The following UNC5B variants were observed in gnomAD, a reference collection of about 807,000 sequenced individuals.
UNC5B encodes unc-5 netrin receptor B.
A neutral mutation model predicts 103.7 loss-of-function variants in UNC5B; 56 were observed. The ratio of observed to expected loss-of-function variants is 0.54; its 90% CI spans 0.44 to 0.67. The LOEUF (loss-of-function observed/expected upper bound fraction) is 0.67, where lower values mean the gene tolerates loss of function less well. Ranked by LOEUF, UNC5B falls within the 30% of genes least tolerant of loss-of-function variation. The probability of loss-of-function intolerance (pLI) is 0.00; values close to 1 mark genes in which losing one functional copy is unlikely to be tolerated. For missense variants in UNC5B, 1,194 were observed against 1,284.5 expected (o/e 0.93, Z 1.08); for synonymous variants, 577 against 542.0 (o/e 1.06, Z -0.90).
chr10:71,219,774 T>C (rs887885191), intron 1 of UNC5B, among the ~76,000 whole-genome samples: 1 of 152,246 alleles, frequency 6.6e-6, no homozygotes, highest in Non-Finnish European at 1.5e-5. Flanking sequence ...TTAAGTGGCA[T>C]TCAGAGCATT....
At chr10:71,291,890 A>G in intron 10 of UNC5B, 69 bp downstream of exon 10, 3 of 1,504,490 alleles carry the variant, frequency 2.0e-6, no homozygotes, top group Non-Finnish European at 2.6e-6. Flanking sequence ...CCCAACACCC[A>G]TCCAGCAGAA....
chr10:71,295,439 C>G (rs1056659204), intron 13 of UNC5B, among the ~76,000 whole-genome samples: 2 of 152,226 alleles, frequency 1.3e-5, no homozygotes, highest in African/African-American at 4.8e-5. Context: ...TTTACCCAGT[C>G]ATTGCTCGTC....
At chr10:71,279,446 T>G (rs954143989) in intron 1 of UNC5B, among the ~76,000 whole-genome samples, 20 of 152,164 alleles carry the variant, frequency 1.3e-4, no homozygotes, top group African/African-American at 4.3e-4. Context: ...AGGAACTGGA[T>G]AGAAGCCGGG....
chr10:71,239,149 T>G (rs1046156488), intron 1 of UNC5B, among the ~76,000 whole-genome samples: 6 of 152,146 alleles, frequency 3.9e-5, no homozygotes, highest in Admixed American at 6.5e-5. Flanking sequence ...CAGGGAAGAC[T>G]GACTTATCAT....
chr10:71,289,399 C>G (rs113222023), intron 8 of UNC5B, among the ~76,000 whole-genome samples: 18 of 152,316 alleles, frequency 1.2e-4, no homozygotes, highest in African/African-American at 4.3e-4. Flanking sequence ...ACTCCAGTCC[C>G]CCCTCATGCC....
chr10:71,222,604 AACAGTGGG>A (rs1369135750), intron 1 of UNC5B, among the ~76,000 whole-genome samples: 1 of 152,208 alleles, frequency 6.6e-6, no homozygotes, highest in Admixed American at 6.5e-5. Context: ...CTCTGGGCAG[AACAGTGGG>A]ACAGAGAGTC....
intron 1 of UNC5B, among the ~76,000 whole-genome samples, chr10:71,229,062 T>G (rs899331657): frequency 2.6e-5 from 4 of 152,162 alleles, no homozygotes; most frequent in Admixed American, 2.0e-4. Flanking sequence ...GTGGAGTGAC[T>G]GGGCGGTGAG....
chr10:71,232,180 G>A lies in UNC5B; in HGVS notation c.79+19116G>A, dbSNP rs566642847. Among the ~76,000 whole-genome samples, 11 of 152,334 alleles carry A rather than the reference G, an allele frequency of 7.2e-5. No individual in the cohort carries two copies. The South Asian group carries it at 2.1e-3, about 29-fold the overall frequency. ...CCGATGACTGCCCAGGAACTCCCAG[G>A]AATGGCCTGTGGCTCTGTGCACAGC... On this transcript the variant is annotated intron_variant, in intron 1 of 16. Coordinates refer to ENST00000335350, the MANE Select transcript of UNC5B (RefSeq NM_170744.5).
At chr10:71,285,474 G>T in intron 4 of UNC5B, 45 bp downstream of exon 4, 1 of 1,484,038 alleles carries the variant, frequency 6.7e-7, no homozygotes. Context: ...CTGTGGCCAT[G>T]CCTGCAGAAG....
At chr10:71,275,957 T>C (rs1415654411) in intron 1 of UNC5B, among the ~76,000 whole-genome samples, 1 of 152,124 alleles carries the variant, frequency 6.6e-6, no homozygotes, top group Non-Finnish European at 1.5e-5. Flanking sequence ...ACAGTAAGAA[T>C]AGTGGTGTCC....
Position 71,278,340 on chromosome 10 carries a change from T to C in UNC5B, c.80-1481T>C, listed in dbSNP as rs541265842. On this transcript the variant is annotated intron_variant, in intron 1 of 16. Transcript: ENST00000335350. ...GCAGCCCAGAGACGGGGTAAGGTTG[T>C]CCACCTCTTGTGCTCATCAGACATA... Among the ~76,000 whole-genome samples, 5 of 152,310 alleles carry C rather than the reference T, an allele frequency of 3.3e-5. No individual in the cohort carries two copies. In the East Asian group the frequency reaches 9.7e-4, roughly 29 times the overall value.
chr10:71,275,932 AG>A (rs941943258), intron 1 of UNC5B, among the ~76,000 whole-genome samples: 1 of 152,078 alleles, frequency 6.6e-6, no homozygotes, highest in Non-Finnish European at 1.5e-5. Flanking sequence ...GTGGCACTTG[AG>A]TAACCCATGA....
chr10:71,259,949 T>C (rs1367967288), intron 1 of UNC5B, among the ~76,000 whole-genome samples: 1 of 152,172 alleles, frequency 6.6e-6, no homozygotes, highest in Non-Finnish European at 1.5e-5. Flanking sequence ...CACTGCCTGC[T>C]GGGGACAGTG....
In UNC5B at chr10:71,279,817, G is replaced by A. The variant is rs1199638827; in HGVS notation, c.80-4G>A. The stretch of plus-strand genomic sequence containing the variant: ...CCTCATGGAGGTCTCCACTCACTCT[G>A]CAGGCACTGATTCTGGCAGCGAGGT... On this transcript the variant is annotated splice_region_variant and splice_polypyrimidine_tract_variant and intron_variant, in intron 1 of 16. Transcript: ENST00000335350. 6.2e-7 allele frequency: 1 copy of A among 1,611,946 alleles called. No individual in the cohort carries two copies. The highest frequency in any genetic ancestry group is 1.3e-5 in the African/African-American group (1 of 74,876).
chr10:71,287,812 CCTT>C, intron 6 of UNC5B, 47 bp downstream of exon 6: 1 of 1,582,976 alleles, frequency 6.3e-7, no homozygotes, highest in Non-Finnish European at 8.6e-7. Context: ...CCCTGTCCCA[CCTT>C]CTGTTTTGTG....
chr10:71,281,620 G>A lies in UNC5B; in HGVS notation c.304+1575G>A, dbSNP rs1047867288. On this transcript the variant is annotated intron_variant, in intron 2 of 16. Transcript: ENST00000335350. ...CTCCCAAAGTGCTGGGATTACAGGC[G>A]TGAGCCACCACACCCAGCTAGAAAA... 2.6e-5 allele frequency among the ~76,000 whole-genome samples: 4 copies of A among 152,318 alleles called. No homozygotes were observed. The East Asian group carries it at 7.7e-4, about 29-fold the overall frequency.
intron 1 of UNC5B, among the ~76,000 whole-genome samples, chr10:71,250,558 G>A (rs906281891): frequency 2.2e-4 from 34 of 152,166 alleles, no homozygotes; most frequent in African/African-American, 7.5e-4. Flanking sequence ...AAAGTTTGAG[G>A]GTGACTTCCC....
chr10:71,280,848 C>A (rs1844907252), intron 2 of UNC5B, among the ~76,000 whole-genome samples: 6 of 152,194 alleles, frequency 3.9e-5, no homozygotes, highest in Admixed American at 3.9e-4. Flanking sequence ...CAGATGGGAC[C>A]CCCCCTTCAG....
chr10:71,238,709 G>A (rs1478937624), intron 1 of UNC5B, among the ~76,000 whole-genome samples: 1 of 152,106 alleles, frequency 6.6e-6, no homozygotes, highest in Non-Finnish European at 1.5e-5. Context: ...TCTGCCTCAG[G>A]CCTCCCAAAG....
Sources: gnomAD v4.1 joint callset for allele counts (sites outside exome capture counted in the v4.1 genomes callset) on GRCh38, gnomAD v4.1.1 for gene constraint, MANE v1.5 for transcripts, NCBI Gene and HGNC (gene_info 2026-07-23, HGNC 2026-07-21) for gene names.